Variants in VPS8 observed in about 807,000 individuals in gnomAD.
VPS8 encodes VPS8 subunit of CORVET complex.
A neutral mutation model predicts 216.4 loss-of-function variants in VPS8; 129 were observed. That is an observed-to-expected ratio of 0.60 (90% confidence interval 0.52 to 0.69). The LOEUF (loss-of-function observed/expected upper bound fraction) is 0.69, where lower values mean the gene tolerates loss of function less well. VPS8 is among the 30% of genes least tolerant of loss of function. The probability of loss-of-function intolerance (pLI) is 0.00; values close to 1 mark genes in which losing one functional copy is unlikely to be tolerated. For missense variants in VPS8, 1,531 were observed against 1,683.5 expected, an observed-to-expected ratio of 0.91 and a Z score of 1.59; for synonymous variants, 571 against 565.4, an observed-to-expected ratio of 1.01 and a Z score of -0.14.
chr3:184,985,936 C>T (rs1324859655), intron 42 of VPS8, among the ~76,000 whole-genome samples: 1 of 152,094 alleles, frequency 6.6e-6, no homozygotes. Context: ...GGAGAGGAGA[C>T]CATGTGGGGA....
intron 39 of VPS8, 39 bp downstream of exon 39, chr3:184,966,752 G>T (rs781477326): frequency 6.9e-7 from 1 of 1,446,202 alleles, no homozygotes; most frequent in Admixed American, 1.9e-5. Flanking sequence ...TTTCATCCTT[G>T]GACCCCATGT....
At chr3:184,920,410 C>A (rs981827836) in intron 29 of VPS8, among the ~76,000 whole-genome samples, 6 of 151,946 alleles carry the variant, frequency 3.9e-5, no homozygotes, top group Admixed American at 1.3e-4. Flanking sequence ...AGACTGGGGA[C>A]CGGAATAGAG....
intron 43 of VPS8, among the ~76,000 whole-genome samples, chr3:184,995,719 T>C (rs1472373960): frequency 2.6e-5 from 4 of 152,202 alleles, no homozygotes; most frequent in South Asian, 4.1e-4. Flanking sequence ...TTAAAATGAC[T>C]TAATGTGATA....
chr3:185,036,043 C>A (rs1384990668), intron 46 of VPS8, among the ~76,000 whole-genome samples: 3 of 152,124 alleles, frequency 2.0e-5, no homozygotes, highest in Non-Finnish European at 2.9e-5. Flanking sequence ...AATGAAATAC[C>A]TAGGAAGATA....
chr3:184,855,684 A>ATT lies in VPS8; in HGVS notation c.1036-18_1036-17dup. On this transcript the variant is annotated intron_variant, in intron 13 of 47. Transcript: ENST00000625842. ...GTCCCCTTGTTTATTAACTGTGATG[A>ATT]TTTTTTTTTTCCATCTCCCTACTTA... The ATT allele has an allele frequency of 4.1e-6, 6 of 1,454,150 alleles. No individual in the cohort carries two copies. In the South Asian group the frequency reaches 4.8e-5, roughly 12 times the overall value. The allele number at this position is 1,454,150 out of a possible 1,614,324, so 90.1% of individuals were successfully genotyped here. A position where few individuals can be genotyped will look rare whatever the true frequency, so the allele number is the denominator to read the frequency against.
At chr3:184,914,721 A>T (rs1321104492) in intron 26 of VPS8, among the ~76,000 whole-genome samples, 1 of 152,162 alleles carries the variant, frequency 6.6e-6, no homozygotes, top group Non-Finnish European at 1.5e-5. Flanking sequence ...TTAATAGAGC[A>T]TTGGTTTTTC....
chr3:184,834,624 A>G, intron 4 of VPS8, 25 bp from the exon 5 acceptor site: 1 of 1,507,300 alleles, frequency 6.6e-7, no homozygotes, highest in Non-Finnish European at 8.9e-7. Flanking sequence ...ATCTGTTTTT[A>G]AATGTTTTTC....
intron 3 of VPS8, among the ~76,000 whole-genome samples, chr3:184,830,916 T>C (rs1412017703): frequency 6.6e-6 from 1 of 152,206 alleles, no homozygotes; most frequent in Non-Finnish European, 1.5e-5. Context: ...GAAATGTTGA[T>C]GCTAAAGACA....
intron 45 of VPS8, among the ~76,000 whole-genome samples, chr3:185,008,205 T>C (rs1754519991): frequency 1.3e-5 from 2 of 152,192 alleles, no homozygotes; most frequent in Non-Finnish European, 2.9e-5. Flanking sequence ...ATCATCCTAA[T>C]ATAAATGCAG....
intron 5 of VPS8, chr3:184,836,441 A>C (rs1277462479): frequency 2.6e-6 from 1 of 385,100 alleles, no homozygotes; most frequent in East Asian, 7.3e-5. Flanking sequence ...GCTAAAACTC[A>C]GACTCTGAAC....
chr3:184,832,712 T>C lies in VPS8; in HGVS notation c.246T>C (p.Phe82=), dbSNP rs760758508. 1.9e-6 allele frequency: 3 copies of C among 1,603,628 alleles called. No individual in the cohort carries two copies. Among genetic ancestry groups the C allele is most frequent in the South Asian group, 2.2e-5 (2 of 89,896 alleles). Residue 82 remains phenylalanine, a synonymous_variant, in exon 4 of 48, where the codon TTT becomes TTC. Coordinates refer to ENST00000625842, the MANE Select transcript of VPS8 (RefSeq NM_001009921.3). ...AGACTGATGATGAAGATGAGTCTTT[T>C]ATTCTTGAGGATCCTACATTGTTAA... ...LNETDDEDES[F]ILEDPTLLNI... is the part of the protein sequence containing the mutation.
intron 3 of VPS8, among the ~76,000 whole-genome samples, chr3:184,826,467 TA>T (rs1421556957): frequency 1.3e-5 from 2 of 152,234 alleles, no homozygotes; most frequent in African/African-American, 2.4e-5. Flanking sequence ...ACTATATGGC[TA>T]GGGGACAGCA....
intron 15 of VPS8, 36 bp from the exon 16 acceptor site, chr3:184,862,861 G>C: frequency 6.3e-7 from 1 of 1,593,492 alleles, no homozygotes; most frequent in East Asian, 2.3e-5. Context: ...AGCGGGTGTG[G>C]TCTCACTTTT....
chr3:184,878,672 T>C (rs1378374118), intron 21 of VPS8, among the ~76,000 whole-genome samples: 1 of 152,194 alleles, frequency 6.6e-6, no homozygotes, highest in East Asian at 1.9e-4. Context: ...TCTAGCACAT[T>C]GCCCTATCCC....
At chr3:184,848,406 C>T (rs978664375) in intron 8 of VPS8, among the ~76,000 whole-genome samples, 6 of 151,936 alleles carry the variant, frequency 3.9e-5, no homozygotes, top group African/African-American at 1.5e-4. Context: ...CGATGGTATT[C>T]CCGATAACTT....
intron 34 of VPS8, among the ~76,000 whole-genome samples, chr3:184,931,820 C>T (rs910575741): frequency 6.6e-6 from 1 of 151,974 alleles, no homozygotes; most frequent in Admixed American, 6.6e-5. Flanking sequence ...TTTTCATCCT[C>T]CTCTTTAAGT....
Position 184,930,584 on chromosome 3 carries a change from A to G in VPS8, c.2898+16A>G. 6.4e-7 allele frequency: 1 copy of G among 1,561,280 alleles called. No individual in the cohort carries two copies. Among genetic ancestry groups the G allele is most frequent in the Non-Finnish European group, 8.8e-7 (1 of 1,132,384 alleles). On this transcript the variant is annotated intron_variant, in intron 34 of 47. Transcript: ENST00000625842. The stretch of plus-strand genomic sequence containing the variant: ...TCATATTGAGGTACTGATGCGCAAA[A>G]CTTCACACTTCACCATCTGAACGAT...
At chr3:185,039,468 C>T (rs554108292) in intron 46 of VPS8, among the ~76,000 whole-genome samples, 75 of 151,544 alleles carry the variant, frequency 4.9e-4, no homozygotes, top group African/African-American at 1.7e-3. Flanking sequence ...CACGTTGTTA[C>T]CAAGAAAAAG....
Position 184,926,629 on chromosome 3 carries a change from C to T in VPS8, c.2610C>T (p.Ser870=), listed in dbSNP as rs1392698389. ...TCCTTTGTAGTCCTGACGATGACTC[C>T]CGACACTCTGAAAGACAGCAGGTAT... ...LEFLCSPDDD[S]RHSERQQVLL... is the part of the protein sequence containing the mutation. The change falls in exon 31 of 48, where the codon TCC becomes TCT. Residue 870 remains serine (S), a synonymous_variant. Transcript: ENST00000625842. 1 of 1,605,764 alleles carries T rather than the reference C, an allele frequency of 6.2e-7. No individual in the cohort carries two copies. The highest frequency in any genetic ancestry group is 1.1e-5 in the South Asian group (1 of 89,054).
Sources: allele counts gnomAD v4.1 joint callset (sites outside exome capture counted in the v4.1 genomes callset), GRCh38; gene constraint gnomAD v4.1.1; transcripts MANE v1.5; gene names NCBI Gene and HGNC (gene_info 2026-07-23, HGNC 2026-07-21).